The following CARF variants were observed in gnomAD, a reference collection of about 807,000 sequenced individuals.
CARF encodes calcium-responsive transcription factor.
In CARF, 57 loss-of-function variants were observed where a neutral mutation model predicts 82.0. That is an observed-to-expected ratio of 0.70 (90% confidence interval 0.56 to 0.87). The LOEUF (loss-of-function observed/expected upper bound fraction) is 0.87. CARF is among the 40% of genes least tolerant of loss of function. The pLI is 0.00. For missense variants in CARF, 771 were observed against 855.8 expected (o/e 0.90, Z 1.24); for synonymous variants, 268 against 290.1 (o/e 0.92, Z 0.77).
chr2:202,912,813 A>G lies in CARF; in HGVS notation c.-619A>G, dbSNP rs1422507460. On this transcript the variant is annotated 5_prime_UTR_variant, in exon 1 of 17. Transcript: ENST00000438828. ...CACGCCGTCCCGCACCTTGCTTTTT[A>G]GGGTTCTTTTTCCGCTTTCTGAGCC... 6.6e-6 allele frequency: 1 copy of G among 151,694 alleles called. No homozygotes were observed. The highest frequency in any genetic ancestry group is 1.5e-5 in the Non-Finnish European group (1 of 67,884). 9.4% of individuals were successfully genotyped at this position (151,694 alleles called of 1,614,324 possible). A position where few individuals can be genotyped will look rare whatever the true frequency, so the allele number is the denominator to read the frequency against.
intron 11 of CARF, 94 bp downstream of exon 11, chr2:202,970,156 T>G: frequency 8.6e-7 from 1 of 1,164,410 alleles, no homozygotes; most frequent in Non-Finnish European, 1.2e-6. Context: ...TCCAACTATT[T>G]CATTAAGTAA....
chr2:202,960,576 T>A (rs574770606), intron 8 of CARF, among the ~76,000 whole-genome samples: 16 of 152,294 alleles, frequency 1.1e-4, no homozygotes, highest in African/African-American at 3.8e-4. Flanking sequence ...ATAAAAAGAA[T>A]GTTGATATAA....
intron 13 of CARF, among the ~76,000 whole-genome samples, chr2:202,976,328 C>T (rs925654900): frequency 1.3e-5 from 2 of 152,038 alleles, no homozygotes; most frequent in African/African-American, 4.8e-5. Flanking sequence ...GTTTCAGCCA[C>T]CATGCCCGGC....
rs1308207170 is a variant in CARF at position 202,945,937 on chromosome 2, TAA to T, written c.306+2971_306+2972del. On this transcript the variant is annotated intron_variant, in intron 5 of 16. Transcript: ENST00000438828. ...ATTTACACTCCCACCAGAAAGTATA[TAA>T]GTGTTCTCTTTTCTCCACAACCTCA... 3.9e-5 allele frequency among the ~76,000 whole-genome samples: 6 copies of T among 152,148 alleles called. No individual in the cohort carries two copies. In the East Asian group the frequency reaches 1.2e-3, roughly 29 times the overall value.
intron 8 of CARF, among the ~76,000 whole-genome samples, chr2:202,959,191 G>A (rs143289851): frequency 0.01 from 1,520 of 151,084 alleles, 5 homozygotes; most frequent in Non-Finnish European, 0.014. Context: ...GTAAATTATA[G>A]TATAGCTAAA....
rs758931336 is a variant in CARF, at chr2:202,952,676, C to T, written c.424C>T (p.Arg142Trp). 3.7e-6 allele frequency: 6 copies of T among 1,610,150 alleles called. No homozygotes were observed. Among genetic ancestry groups the T allele is most frequent in the East Asian group, 4.5e-5 (2 of 44,840 alleles). The change falls in exon 6 of 17, where the codon CGG becomes TGG. Residue 142 changes from arginine to tryptophan, a missense_variant. Transcript: ENST00000438828. ...QGQLVDVNSPRDVPEEKPSNR... is the reference protein window; with the variant it reads ...QGQLVDVNSPWDVPEEKPSNR... ...GCAACTTGTGGATGTGAATAGTCCT[C>T]GGGGTGAGTAACAACGGGATATAGG...
intron 14 of CARF, among the ~76,000 whole-genome samples, chr2:202,979,870 TG>T (rs2060178712): frequency 6.6e-6 from 1 of 152,098 alleles, no homozygotes; most frequent in Non-Finnish European, 1.5e-5. Context: ...AGAAAGCCAG[TG>T]CTTAAATCCA....
At position 202,967,134 on chromosome 2, in the gene CARF, G is replaced by T. The variant is rs764385389; in HGVS notation, c.953+36G>T. On this transcript the variant is annotated intron_variant, in intron 10 of 16. Coordinates refer to ENST00000438828, the MANE Select transcript of CARF (RefSeq NM_024744.17). ...TTTTCTTTTATTTGTTTTCTATTAA[G>T]AACTTATTTTTGAATAGCTAATACA... The T allele has an allele frequency of 3.7e-6, 6 of 1,602,030 alleles. No individual in the cohort carries two copies. The East Asian group carries it at 6.7e-5, about 18-fold the overall frequency.
chr2:202,930,117 G>A (rs918178534), intron 3 of CARF, among the ~76,000 whole-genome samples: 1 of 151,408 alleles, frequency 6.6e-6, no homozygotes, highest in Non-Finnish European at 1.5e-5. Context: ...GCTCGATCTC[G>A]GCTCACTCCA....
intron 12 of CARF, chr2:202,973,561 G>A (rs2059897306): frequency 5.6e-6 from 2 of 357,514 alleles, no homozygotes; most frequent in Non-Finnish European, 1.1e-5. Context: ...CCTGGGTATA[G>A]GCCCAAGCTC....
At chr2:202,954,534 G>A (rs2058936494) in intron 7 of CARF, among the ~76,000 whole-genome samples, 1 of 151,098 alleles carries the variant, frequency 6.6e-6, no homozygotes, top group African/African-American at 2.4e-5. Flanking sequence ...CCAAGATGGT[G>A]AAACCCCATC....
chr2:202,939,897 C>T (rs905836001), intron 3 of CARF, among the ~76,000 whole-genome samples: 3 of 151,942 alleles, frequency 2.0e-5, no homozygotes, highest in African/African-American at 4.8e-5. Context: ...ATTATGTTGC[C>T]CAGGCTGGTC....
chr2:202,981,798 A>G, intron 15 of CARF, 113 bp downstream of exon 15: 2 of 1,037,606 alleles, frequency 1.9e-6, no homozygotes, highest in South Asian at 3.4e-5. Context: ...TAATGATGAA[A>G]TATGTTTTCA....
At chr2:202,917,090 A>G (rs1344289501) in intron 1 of CARF, among the ~76,000 whole-genome samples, 3 of 150,692 alleles carry the variant, frequency 2.0e-5, no homozygotes, top group African/African-American at 4.9e-5. Context: ...GGGCGCCTGT[A>G]GTCCCAGCTA....
chr2:202,933,030 G>A (rs1693235007), intron 3 of CARF, among the ~76,000 whole-genome samples: 1 of 152,136 alleles, frequency 6.6e-6, no homozygotes, highest in Non-Finnish European at 1.5e-5. Context: ...CTGGAATGTG[G>A]GTAGTTGCTT....
chr2:202,926,833 A>G lies in CARF; in HGVS notation c.-44+2418A>G, dbSNP rs370589619. On this transcript the variant is annotated intron_variant, in intron 3 of 16. Coordinates refer to ENST00000438828, the MANE Select transcript of CARF (RefSeq NM_024744.17). ...TTGTCAAGTTTATTCCTAAATTTTT[A>G]TTTTTTTGAGACAGGGTCTTGCTCT... 2.6e-5 allele frequency among the ~76,000 whole-genome samples: 4 copies of G among 151,982 alleles called. 1 individual carries two copies. The highest frequency in any genetic ancestry group is 1.3e-4 in the Admixed American group (2 of 15,246).
intron 2 of CARF, among the ~76,000 whole-genome samples, 187 bp downstream of exon 2, chr2:202,918,230 CTT>C (rs1307654367): frequency 1.3e-5 from 2 of 152,070 alleles, no homozygotes; most frequent in Non-Finnish European, 2.9e-5. Context: ...ATAAACTTTA[CTT>C]TGACAGGGCC....
At chr2:202,943,093 T>C in intron 5 of CARF, 126 bp downstream of exon 5, 1 of 764,186 alleles carries the variant, frequency 1.3e-6, no homozygotes. Flanking sequence ...ATTTTTGAGA[T>C]GGAGTTCCAC....
At chr2:202,913,745 A>G (rs1383766043) in intron 1 of CARF, among the ~76,000 whole-genome samples, 3 of 152,230 alleles carry the variant, frequency 2.0e-5, no homozygotes, top group African/African-American at 7.2e-5. Flanking sequence ...CATTGGTTAA[A>G]ATATATTTAT....
Sources: allele counts gnomAD v4.1 joint callset (sites outside exome capture counted in the v4.1 genomes callset), GRCh38; gene constraint gnomAD v4.1.1; transcripts MANE v1.5; gene names NCBI Gene and HGNC (gene_info 2026-07-23, HGNC 2026-07-21).